PGAP4: variants seen among roughly 807,000 people sequenced by gnomAD.
PGAP4 encodes the protein post-GPI attachment to proteins GalNAc transferase 4.
In PGAP4, 12 loss-of-function variants were observed where a neutral mutation model predicts 28.2. The observed-to-expected ratio is 0.42, with a 90% CI of 0.27 to 0.69. PGAP4 has a LOEUF of 0.69. Among genes scored for constraint, PGAP4 ranks in the 30% least tolerant of loss-of-function variants. The pLI is 0.22. For missense variants in PGAP4, 425 were observed against 513.5 expected (o/e 0.83, Z 1.67); for synonymous variants, 205 against 211.8 (o/e 0.97, Z 0.28).
rs748623996 is a variant in PGAP4 at position 101,476,713 on chromosome 9, C to T, written c.380G>A (p.Arg127Gln). ...YVLQVVSQFH[R>Q]LLQQCGPQCE... ...CTGGGGGCCACATTGCTGAAGAAGCCGGTGGAACTGGGACACAACCTGCAG... is the reference window on the plus strand; with the variant it reads ...CTGGGGGCCACATTGCTGAAGAAGCTGGTGGAACTGGGACACAACCTGCAG... Residue 127 changes from arginine to glutamine, a missense_variant, in exon 2 of 2, where the codon CGG becomes CAG. By Grantham distance (43) the Arg-to-Gln change is conservative. Coordinates refer to ENST00000374848, the MANE Select transcript of PGAP4 (RefSeq NM_032342.3). The surrounding 1 kb of genome is among the most constrained non-coding windows in gnomAD (Gnocchi z 7.0). The T allele has an allele frequency of 1.4e-5, 23 of 1,613,934 alleles. No individual in the cohort carries two copies. In the Admixed American group the frequency reaches 2.0e-4, roughly 14 times the overall value.
rs138246997 is a variant in PGAP4, at chr9:101,476,132, G to A, written c.961C>T (p.Pro321Ser). Residue 321 changes from proline to serine, a missense_variant, in exon 2 of 2, where the codon CCT (proline) becomes TCT (serine). Coordinates refer to ENST00000374848, the MANE Select transcript of PGAP4 (RefSeq NM_032342.3). This position sits in a 1 kb window ranked among gnomAD's most constrained non-coding sequence, Gnocchi z 7.0. ...HYFLELRRLS[P>S]SLYSVVPASQ... ...GCAGGAACCACACTGTACAGGGAAG[G>A]ACTCAGCCGCCGCAGTTCCAGGAAA... 6.2e-7 allele frequency: 1 copy of A among 1,614,048 alleles called. No individual in the cohort carries two copies. Among genetic ancestry groups the A allele is most frequent in the Non-Finnish European group, 8.5e-7 (1 of 1,179,958 alleles).
intron 2 of PGAP4, among the ~76,000 whole-genome samples, chr9:101,518,467 A>G (rs1826959383): frequency 6.6e-6 from 1 of 152,076 alleles, no homozygotes; most frequent in Non-Finnish European, 1.5e-5. Flanking sequence ...TATCCATTGT[A>G]TGATTCTTAT....
At chr9:101,489,565 A>C (rs1207935605), upstream of PGAP4, among the ~76,000 whole-genome samples, 24 of 152,232 alleles carry the variant, frequency 1.6e-4, no homozygotes, top group Non-Finnish European at 1.5e-5. Context: ...CCTGTCACTA[A>C]TGGAATGAGG....
chr9:101,520,620 A>G (rs146906945), intron 2 of PGAP4, among the ~76,000 whole-genome samples: 10 of 152,196 alleles, frequency 6.6e-5, no homozygotes, highest in African/African-American at 2.2e-4. Flanking sequence ...CTTTCTGGAG[A>G]AGTCCTTAGG....
chr9:101,480,274 T>C (rs759297154), intron 1 of PGAP4, among the ~76,000 whole-genome samples: 1 of 152,256 alleles, frequency 6.6e-6, no homozygotes, highest in Non-Finnish European at 1.5e-5. Context: ...TTGTTCATAG[T>C]ACTTGTCCTT....
intron 1 of PGAP4, chr9:101,479,855 A>G (rs1826431768): frequency 6.6e-6 from 1 of 152,238 alleles, no homozygotes; most frequent in African/African-American, 2.4e-5. Flanking sequence ...GCTGCAGAGG[A>G]AACAGCCACC....
intron 1 of PGAP4, among the ~76,000 whole-genome samples, chr9:101,485,088 C>T (rs1826582845): frequency 6.6e-6 from 1 of 151,840 alleles, no homozygotes; most frequent in African/African-American, 2.4e-5. Context: ...ATTTAAGTTG[C>T]TATAGCTATA....
At chr9:101,483,858 A>C (rs1039737683) in intron 1 of PGAP4, among the ~76,000 whole-genome samples, 1 of 152,216 alleles carries the variant, frequency 6.6e-6, no homozygotes, top group East Asian at 1.9e-4. Flanking sequence ...GTAATTAAAA[A>C]GTCATTAATA....
intron 2 of PGAP4, among the ~76,000 whole-genome samples, chr9:101,496,577 TATA>T (rs1826752007): frequency 6.6e-6 from 1 of 151,556 alleles, no homozygotes; most frequent in South Asian, 2.1e-4. Context: ...TCTAAAAAGT[TATA>T]ATATCACTTG....
chr9:101,495,391 G>A (rs374716747), intron 2 of PGAP4, among the ~76,000 whole-genome samples: 956 of 3,154 alleles, frequency 0.3, 231 homozygotes, highest in Non-Finnish European at 0.42. Flanking sequence ...TATTATATGT[G>A]CTTATATTTT....
intron 1 of PGAP4, among the ~76,000 whole-genome samples, chr9:101,483,412 T>C (rs1163757270): frequency 6.6e-6 from 1 of 152,138 alleles, no homozygotes; most frequent in Non-Finnish European, 1.5e-5. Flanking sequence ...ATTAAGCCCA[T>C]TTTATACTTT....
intron 2 of PGAP4, among the ~76,000 whole-genome samples, chr9:101,522,673 A>G (rs1036231456): frequency 6.6e-6 from 1 of 152,154 alleles, no homozygotes; most frequent in African/African-American, 2.4e-5. Context: ...TCCATTCTGC[A>G]GTTCTGTATC....
chr9:101,497,415 C>A (rs1313352134), intron 2 of PGAP4, among the ~76,000 whole-genome samples: 1 of 151,544 alleles, frequency 6.6e-6, no homozygotes, highest in Non-Finnish European at 1.5e-5. Flanking sequence ...ATCCCAATAA[C>A]TTGGAAGAGT....
chr9:101,509,026 A>C (rs1451559453), intron 2 of PGAP4, among the ~76,000 whole-genome samples: 1 of 152,202 alleles, frequency 6.6e-6, no homozygotes, highest in Non-Finnish European at 1.5e-5. Context: ...TGTCTTAAAC[A>C]TCCTTTTAAG....
chr9:101,497,100 A>G (rs1826758467), intron 2 of PGAP4, among the ~76,000 whole-genome samples: 1 of 150,884 alleles, frequency 6.6e-6, no homozygotes, highest in Non-Finnish European at 1.5e-5. Flanking sequence ...ATTTTTAGAA[A>G]CATTTTTCTA....
At chr9:101,495,630 A>G (rs1028948662) in intron 2 of PGAP4, among the ~76,000 whole-genome samples, 1 of 149,412 alleles carries the variant, frequency 6.7e-6, no homozygotes, top group Admixed American at 6.8e-5. Flanking sequence ...TGGCTAAATA[A>G]CATGTATTTA....
In PGAP4 at chr9:101,494,186, A is replaced by C. The variant is rs185002651; in HGVS notation, c.-164-4986T>G. On this transcript the variant is annotated intron_variant, in intron 2 of 3. Transcript: ENST00000374851. ...TCTTGAAGATAGGCATTTTATGTACATTTAAAAATATGACATTTTAGTTAA... is the reference window on the plus strand; with the variant it reads ...TCTTGAAGATAGGCATTTTATGTACCTTTAAAAATATGACATTTTAGTTAA... Among the ~76,000 whole-genome samples, 1,025 of 152,088 alleles carry C rather than the reference A, an allele frequency of 6.7e-3. 19 individuals are homozygous for C. Among genetic ancestry groups the C allele is most frequent in the Non-Finnish European group, 5.5e-3 (373 of 67,892 alleles).
chr9:101,495,039 A>G (rs186479985), intron 2 of PGAP4, among the ~76,000 whole-genome samples: 1 of 143,096 alleles, frequency 7.0e-6, no homozygotes, highest in South Asian at 2.1e-4. Flanking sequence ...TATCAATACC[A>G]TATCCCTAAA....
At chr9:101,511,947 C>T (rs186594731) in intron 2 of PGAP4, among the ~76,000 whole-genome samples, 41 of 152,168 alleles carry the variant, frequency 2.7e-4, no homozygotes, top group African/African-American at 9.6e-4. Context: ...CCACCCAATG[C>T]CAAATAGTCT....
Sources: gnomAD v4.1 joint callset for allele counts (sites outside exome capture counted in the v4.1 genomes callset) on GRCh38, gnomAD v4.1.1 for gene constraint, Gnocchi (gnomAD v3.1) non-coding constraint, MANE v1.5 for transcripts, NCBI Gene and HGNC (gene_info 2026-07-23, HGNC 2026-07-21) for gene names.